MAGI2: variants seen among roughly 807,000 people sequenced by gnomAD.
MAGI2 encodes membrane-associated guanylate kinase, WW and PDZ domain-containing protein 2.
MAGI2 carries 35 observed loss-of-function variants against 133.3 expected under a neutral mutation model. The observed-to-expected ratio is 0.26, with a 90% confidence interval of 0.20 to 0.35. MAGI2 has a LOEUF of 0.35. MAGI2 is among the 10% of genes least tolerant of loss of function. The probability of loss-of-function intolerance (pLI) is 1.00; values close to 1 mark genes in which losing one functional copy is unlikely to be tolerated. For synonymous variants in MAGI2, 729 were observed against 710.6 expected (o/e 1.03, Z -0.41); for missense variants, 1,636 against 1,863.4 (o/e 0.88, Z 2.25).
chr7:79,330,486 C>A (rs1177338644), intron 1 of MAGI2, among the ~76,000 whole-genome samples: 1 of 152,016 alleles, frequency 6.6e-6, no homozygotes. Flanking sequence ...TGAGCCACTG[C>A]GCCCGGCCCA....
At chr7:78,673,348 G>C (rs1814620252) in intron 2 of MAGI2, among the ~76,000 whole-genome samples, 2 of 151,750 alleles carry the variant, frequency 1.3e-5, no homozygotes, top group Non-Finnish European at 2.9e-5. Flanking sequence ...TTTGTTATAA[G>C]GAATTGGCTC....
intron 9 of MAGI2, among the ~76,000 whole-genome samples, chr7:78,309,476 C>T (rs770785406): frequency 2.0e-5 from 3 of 152,050 alleles, no homozygotes; most frequent in Admixed American, 6.6e-5. Flanking sequence ...TTATAAGTGG[C>T]AGCTAAGCAT....
chr7:79,394,110 T>C (rs1215068952), intron 1 of MAGI2, among the ~76,000 whole-genome samples: 4 of 152,096 alleles, frequency 2.6e-5, no homozygotes, highest in Non-Finnish European at 4.4e-5. Context: ...CAATTCAGGA[T>C]CCCAGATGGA....
chr7:78,694,417 T>C (rs986881414), intron 2 of MAGI2, among the ~76,000 whole-genome samples: 1 of 152,150 alleles, frequency 6.6e-6, no homozygotes, highest in African/African-American at 2.4e-5. Context: ...TTTGAAGTAG[T>C]CCTAGAATTA....
At chr7:78,693,129 C>G (rs1369181249) in intron 2 of MAGI2, among the ~76,000 whole-genome samples, 1 of 152,116 alleles carries the variant, frequency 6.6e-6, no homozygotes, top group Non-Finnish European at 1.5e-5. Flanking sequence ...GATTGTTTAT[C>G]CCATCTTTGC....
In MAGI2 at chr7:79,260,961, A is replaced by G. The variant is rs1834045306; in HGVS notation, c.301+192059T>C. Among the ~76,000 whole-genome samples, 3 of 152,220 alleles carry G rather than the reference A, an allele frequency of 2.0e-5. No homozygotes were observed. The South Asian group carries it at 6.2e-4, about 32-fold the overall frequency. On this transcript the variant is annotated intron_variant, in intron 1 of 21. Coordinates refer to ENST00000354212, the MANE Select transcript of MAGI2 (RefSeq NM_012301.4). ...CCTTACTAGAGGTCCAAACATGGAT[A>G]AGATACAGCCCTTCTCCTCAAATTG...
chr7:78,463,583 T>C (rs968531998), intron 6 of MAGI2, among the ~76,000 whole-genome samples: 1 of 152,182 alleles, frequency 6.6e-6, no homozygotes, highest in Admixed American at 6.5e-5. Context: ...GAGTAGATGC[T>C]ACCATGTGAG....
chr7:79,205,325 A>T (rs1208957327), intron 1 of MAGI2, among the ~76,000 whole-genome samples: 1 of 151,996 alleles, frequency 6.6e-6, no homozygotes, highest in Non-Finnish European at 1.5e-5. Flanking sequence ...GTGAGGTGAA[A>T]TACTCAAATT....
chr7:78,857,933 T>G (rs951697297), intron 2 of MAGI2, among the ~76,000 whole-genome samples: 1 of 152,234 alleles, frequency 6.6e-6, no homozygotes, highest in Non-Finnish European at 1.5e-5. Context: ...TTTCAGAACC[T>G]GTTATTGATC....
In MAGI2 at chr7:78,909,602, CAA is replaced by C. The variant is rs1237807866; in HGVS notation, c.418+97486_418+97487del. On this transcript the variant is annotated intron_variant, in intron 2 of 21. Transcript: ENST00000354212. ...TGGGCTACAGAGTGAGACTCCATCT[CAA>C]AAAAAAAAAAAAAAAAAAAAAAGTC... 9.8e-3 allele frequency among the ~76,000 whole-genome samples: 413 copies of C among 42,116 alleles called. 1 individual carries two copies. Among genetic ancestry groups the C allele is most frequent in the African/African-American group, 0.037 (364 of 9,824 alleles). The allele number at this position is 42,116 out of a possible 152,430, so 27.6% of individuals were successfully genotyped here. A position where few individuals can be genotyped will look rare whatever the true frequency, so the allele number is the denominator to read the frequency against.
intron 1 of MAGI2, among the ~76,000 whole-genome samples, chr7:79,429,527 A>C (rs939021524): frequency 6.6e-6 from 1 of 151,942 alleles, no homozygotes; most frequent in Non-Finnish European, 1.5e-5. Flanking sequence ...CTGGTCTCGA[A>C]CTCCTGGCCT....
intron 3 of MAGI2, among the ~76,000 whole-genome samples, chr7:78,567,262 C>G (rs969876395): frequency 3.9e-5 from 6 of 152,254 alleles, no homozygotes; most frequent in African/African-American, 1.4e-4. Flanking sequence ...ACAAACCAGG[C>G]TCTTGAAAAA....
chr7:78,842,770 A>G (rs1043896971), intron 2 of MAGI2, among the ~76,000 whole-genome samples: 8 of 151,948 alleles, frequency 5.3e-5, no homozygotes, highest in Admixed American at 2.0e-4. Context: ...ATTTCAGAAT[A>G]AATTTTCATT....
At chr7:78,804,530 T>A (rs533663878) in intron 2 of MAGI2, among the ~76,000 whole-genome samples, 2 of 133,566 alleles carry the variant, frequency 1.5e-5, no homozygotes, top group African/African-American at 5.7e-5. Flanking sequence ...AGGCGGATCA[T>A]GACGTCAGGA....
chr7:78,843,689 A>G (rs1246731320), intron 2 of MAGI2, among the ~76,000 whole-genome samples: 1 of 151,710 alleles, frequency 6.6e-6, no homozygotes, highest in East Asian at 1.9e-4. Flanking sequence ...TGCCTGTGTC[A>G]TTAAATATTC....
intron 1 of MAGI2, among the ~76,000 whole-genome samples, chr7:79,237,592 T>A (rs1832039015): frequency 6.6e-6 from 1 of 152,200 alleles, no homozygotes; most frequent in African/African-American, 2.4e-5. Flanking sequence ...TCTTTCTCTC[T>A]AGGTATCTCC....
chr7:79,147,088 G>C (rs1562939584), intron 1 of MAGI2, among the ~76,000 whole-genome samples: 1 of 152,184 alleles, frequency 6.6e-6, no homozygotes, highest in Non-Finnish European at 1.5e-5. Flanking sequence ...CATTTGAACT[G>C]TCTATGCTTC....
chr7:78,227,813 T>C (rs780172115), intron 10 of MAGI2, among the ~76,000 whole-genome samples: 80 of 150,744 alleles, frequency 5.3e-4, no homozygotes, highest in Non-Finnish European at 1.0e-3. Flanking sequence ...CCTGAGGAAG[T>C]TGTGTCATAG....
At position 79,256,395 on chromosome 7, in the gene MAGI2, T is replaced by C. The variant is rs530012290; in HGVS notation, c.301+196625A>G. On this transcript the variant is annotated intron_variant, in intron 1 of 21. Transcript: ENST00000354212. ...GTCCTCTTCAGTAACAAACATTTGT[T>C]CATTGCTCAGGAGTTTCTCATATTC... 2.0e-5 allele frequency among the ~76,000 whole-genome samples: 3 copies of C among 152,250 alleles called. No individual in the cohort carries two copies. In the South Asian group the frequency reaches 6.2e-4, roughly 32 times the overall value.
Sources: allele counts gnomAD v4.1 joint callset (sites outside exome capture counted in the v4.1 genomes callset), GRCh38; gene constraint gnomAD v4.1.1; transcripts MANE v1.5; gene names NCBI Gene and HGNC (gene_info 2026-07-23, HGNC 2026-07-21).